The following SMARCAL1 variants were observed in gnomAD, a reference collection of about 807,000 sequenced individuals.
SMARCAL1 encodes ATP-driven annealing helicase.
A neutral mutation model predicts 94.5 loss-of-function variants in SMARCAL1; 58 were observed. The ratio of observed to expected loss-of-function variants is 0.61; its 90% CI spans 0.50 to 0.76. The LOEUF is 0.76. Among genes scored for constraint, SMARCAL1 ranks in the 30% least tolerant of loss-of-function variants. SMARCAL1 has a pLI of 0.00. For missense variants in SMARCAL1, 1,051 were observed against 1,177.9 expected (o/e 0.89, Z 1.58); for synonymous variants, 422 against 455.1 (o/e 0.93, Z 0.93).
intron 12 of SMARCAL1, among the ~76,000 whole-genome samples, chr2:216,456,643 C>T (rs1296104565): frequency 6.6e-6 from 1 of 152,122 alleles, no homozygotes; most frequent in Non-Finnish European, 1.5e-5. Context: ...CAAGCAAATG[C>T]TGAGAGATTT....
intron 9 of SMARCAL1, among the ~76,000 whole-genome samples, chr2:216,437,686 A>T (rs1694107814): frequency 6.6e-6 from 1 of 152,188 alleles, no homozygotes; most frequent in Non-Finnish European, 1.5e-5. Flanking sequence ...ATTTCCACTT[A>T]AATACTCATG....
chr2:216,429,753 G>C (rs895045130), intron 7 of SMARCAL1, among the ~76,000 whole-genome samples: 6 of 152,078 alleles, frequency 3.9e-5, no homozygotes, highest in Non-Finnish European at 7.4e-5. Context: ...TTTGGGTCTC[G>C]GTGTGCCGTT....
At chr2:216,472,494 G>A (rs1461178471) in intron 14 of SMARCAL1, among the ~76,000 whole-genome samples, 1 of 151,978 alleles carries the variant, frequency 6.6e-6, no homozygotes, top group East Asian at 1.9e-4. Context: ...TTTGCAATGA[G>A]TGTGTATTAT....
Position 216,428,695 on chromosome 2 carries a change from T to C in SMARCAL1, c.1247T>C (p.Leu416Pro). ...CAGCTCAAGAAGACATCTCTCAGTCTCACGCCAGATGTCCCAGAGGCAGAC... is the reference window on the plus strand; with the variant it reads ...CAGCTCAAGAAGACATCTCTCAGTCCCACGCCAGATGTCCCAGAGGCAGAC... ...ASQLKKTSLS[L>P]TPDVPEADLS... The change falls in exon 7 of 18, where the codon CTC (leucine) becomes CCC (proline). Residue 416 changes from leucine (L) to proline (P), a missense_variant. Around this residue, in one of 3 missense-constraint regions of SMARCAL1, gnomAD observed 642 missense variants for 754.7 expected, o/e 0.85. Coordinates refer to ENST00000357276, the MANE Select transcript of SMARCAL1 (RefSeq NM_014140.4). 1.2e-6 allele frequency: 2 copies of C among 1,614,178 alleles called. No individual in the cohort carries two copies. The highest frequency in any genetic ancestry group is 1.7e-6 in the Non-Finnish European group (2 of 1,179,986).
At chr2:216,450,649 CCTGA>C (rs1368032091) in intron 11 of SMARCAL1, among the ~76,000 whole-genome samples, 193 bp from the exon 12 acceptor site, 1 of 152,166 alleles carries the variant, frequency 6.6e-6, no homozygotes, top group Non-Finnish European at 1.5e-5. Flanking sequence ...TCATCTCATT[CCTGA>C]CTTTTTTCTC....
At chr2:216,469,769 A>T (rs1694922199) in intron 14 of SMARCAL1, among the ~76,000 whole-genome samples, 1 of 152,096 alleles carries the variant, frequency 6.6e-6, no homozygotes, top group African/African-American at 2.4e-5. Context: ...CATGGTTATT[A>T]AATAGGTTCA....
At chr2:216,417,820 C>T (rs544115718) in intron 4 of SMARCAL1, among the ~76,000 whole-genome samples, 1 of 152,260 alleles carries the variant, frequency 6.6e-6, no homozygotes, top group Admixed American at 6.5e-5. Context: ...AGTGGTTTCC[C>T]CTGTTGCGGT....
At chr2:216,478,689 A>C (rs1695139838) in intron 17 of SMARCAL1, among the ~76,000 whole-genome samples, 1 of 152,224 alleles carries the variant, frequency 6.6e-6, no homozygotes, top group African/African-American at 2.4e-5. Context: ...TACTGGCTTC[A>C]TAGAATATAT....
At chr2:216,461,204 G>A (rs1694692958) in intron 12 of SMARCAL1, among the ~76,000 whole-genome samples, 1 of 151,602 alleles carries the variant, frequency 6.6e-6, no homozygotes. Context: ...ATTTCCTATA[G>A]TGCACATGTG....
intron 12 of SMARCAL1, among the ~76,000 whole-genome samples, chr2:216,458,417 A>G (rs1392154760): frequency 2.0e-5 from 3 of 152,206 alleles, no homozygotes; most frequent in South Asian, 2.1e-4. Context: ...GATGAACATC[A>G]ATGCAAAAAT....
At chr2:216,462,171 T>C (rs1207099117) in intron 12 of SMARCAL1, among the ~76,000 whole-genome samples, 2 of 152,232 alleles carry the variant, frequency 1.3e-5, no homozygotes, top group Non-Finnish European at 2.9e-5. Context: ...TCATCAACTC[T>C]AGGTGCTAAA....
At position 216,475,711 on chromosome 2, in the gene SMARCAL1, T is replaced by C. The variant is rs1317489047; in HGVS notation, c.2427+260T>C. 2.0e-5 allele frequency among the ~76,000 whole-genome samples: 3 copies of C among 151,522 alleles called. No homozygotes were observed. The highest frequency in any genetic ancestry group is 4.9e-5 in the African/African-American group (2 of 41,212). On this transcript the variant is annotated intron_variant, in intron 15 of 17. Transcript: ENST00000357276. The surrounding 1 kb of genome is among the most constrained non-coding windows in gnomAD (Gnocchi z 4.4). Reference sequence around the variant, plus strand: ...CTCACTGCAACCTCCGCCTCCTGGGTTCAAGCGATTCCCCTGCCTCAGCCT... The same window carrying C: ...CTCACTGCAACCTCCGCCTCCTGGGCTCAAGCGATTCCCCTGCCTCAGCCT...
intron 14 of SMARCAL1, among the ~76,000 whole-genome samples, chr2:216,473,086 A>T (rs1053272108): frequency 4.6e-5 from 7 of 152,188 alleles, no homozygotes; most frequent in African/African-American, 7.2e-5. Context: ...GAGAATCAAG[A>T]TAGGAAACAT....
chr2:216,448,219 T>G (rs932289573), intron 11 of SMARCAL1, among the ~76,000 whole-genome samples: 3 of 152,212 alleles, frequency 2.0e-5, no homozygotes, highest in Non-Finnish European at 4.4e-5. Context: ...AATCATATAT[T>G]TAGTTCATTT....
chr2:216,455,567 G>A (rs865829895), intron 12 of SMARCAL1, among the ~76,000 whole-genome samples: 6 of 152,178 alleles, frequency 3.9e-5, no homozygotes, highest in Admixed American at 6.5e-5. Context: ...TGCAGCCTCC[G>A]CTGCTGATAC....
At chr2:216,431,008 C>T (rs1054009122) in intron 7 of SMARCAL1, among the ~76,000 whole-genome samples, 3 of 152,234 alleles carry the variant, frequency 2.0e-5, no homozygotes, top group Non-Finnish European at 2.9e-5. Flanking sequence ...TGCTCGGCTC[C>T]GTTCCTCCCC....
intron 9 of SMARCAL1, among the ~76,000 whole-genome samples, chr2:216,437,483 G>A (rs951266764): frequency 6.6e-6 from 1 of 152,186 alleles, no homozygotes; most frequent in African/African-American, 2.4e-5. Flanking sequence ...TAGGAAGGCT[G>A]ATACCATTGA....
At chr2:216,472,662 G>GAA (rs35081222) in intron 14 of SMARCAL1, among the ~76,000 whole-genome samples, 90,976 of 145,680 alleles carry the variant, frequency 0.62, 28,225 homozygotes, top group East Asian at 0.8. Context: ...CTCCCAGTAG[G>GAA]AAAAAAAAAA....
At chr2:216,469,243 C>T (rs74269472) in intron 14 of SMARCAL1, among the ~76,000 whole-genome samples, 4,603 of 150,134 alleles carry the variant, frequency 0.031, 147 homozygotes, top group East Asian at 0.16. Flanking sequence ...AATTATCCTG[C>T]AACTTACTTT....
Sources: gnomAD v4.1 joint callset for allele counts (sites outside exome capture counted in the v4.1 genomes callset) on GRCh38, gnomAD v4.1.1 for gene constraint, gnomAD v4.1.1 regional missense constraint, Gnocchi (gnomAD v3.1) non-coding constraint, MANE v1.5 for transcripts, NCBI Gene and HGNC (gene_info 2026-07-23, HGNC 2026-07-21) for gene names.